PKD1: variants seen among roughly 807,000 people sequenced by gnomAD.
PKD1 encodes the protein polycystin-1.
PKD1 carries 81 observed loss-of-function variants against 361.7 expected under a neutral mutation model. That is an observed-to-expected ratio of 0.22 (90% CI 0.19 to 0.27). The LOEUF is 0.27. Ranked by LOEUF, PKD1 falls within the 10% of genes least tolerant of loss-of-function variation. The probability of loss-of-function intolerance (pLI) is 1.00; values close to 1 mark genes in which losing one functional copy is unlikely to be tolerated. For missense variants in PKD1, 6,399 were observed against 6,118.3 expected, an observed-to-expected ratio of 1.05 and a Z score of -1.53; for synonymous variants, 3,615 against 2,818.3, an observed-to-expected ratio of 1.28 and a Z score of -8.95.
chr16:2,105,459 C>G lies in PKD1; in HGVS notation c.7879G>C (p.Asp2627His), dbSNP rs762594612. 3 of 1,594,714 alleles carry G rather than the reference C, an allele frequency of 1.9e-6. No homozygotes were observed. Among genetic ancestry groups the G allele is most frequent in the Non-Finnish European group, 2.5e-6 (3 of 1,178,762 alleles). ...TCGTGCTTGGGCTCTGCCGCCACGT[C>G]CAGGGCCCGCTCGTACTGGGGCAGG... ...TVLNEYERAL[D>H]VAAEPKHERQ... Residue 2627 changes from aspartate (D) to histidine (H), a missense_variant, in exon 21 of 46, where the codon GAC becomes CAC. Asp to His is a moderately conservative substitution (Grantham distance 81). Coordinates refer to ENST00000262304, the MANE Select transcript of PKD1 (RefSeq NM_001009944.3).
chr16:2,132,723 G>C (rs908551213), intron 1 of PKD1, among the ~76,000 whole-genome samples: 1 of 151,950 alleles, frequency 6.6e-6, no homozygotes. Context: ...TGTTAGGTGG[G>C]TCTGCAGTAT....
In PKD1 at chr16:2,116,616, G is replaced by A. The variant is rs1193412361; in HGVS notation, c.1635C>T (p.Leu545=). Residue 545 remains leucine (L), a synonymous_variant, in exon 8 of 46, where the codon CTC becomes CTT. Coordinates refer to ENST00000262304, the MANE Select transcript of PKD1 (RefSeq NM_001009944.3). ...GCAGGTCCCCACTGGGCGCTCCCACGAGGAGGTTCTCGGCATCCTGCACTG... is the reference window on the plus strand; with the variant it reads ...GCAGGTCCCCACTGGGCGCTCCCACAAGGAGGTTCTCGGCATCCTGCACTG... ...GGPVQDAENL[L]VGAPSGDLQG... is the part of the protein sequence containing the mutation. 7.7e-6 allele frequency: 12 copies of A among 1,555,906 alleles called. No individual in the cohort carries two copies. Among genetic ancestry groups the A allele is most frequent in the South Asian group, 4.7e-5 (4 of 85,580 alleles).
chr16:2,100,619 G>A lies in PKD1; in HGVS notation c.9398-53C>T, dbSNP rs551114639. 4.7e-5 allele frequency: 69 copies of A among 1,479,922 alleles called. 1 individual carries two copies. The Admixed American group carries it at 1.1e-3, about 24-fold the overall frequency. 91.7% of individuals were successfully genotyped at this position (1,479,922 alleles called of 1,614,324 possible). A position where few individuals can be genotyped will look rare whatever the true frequency, so the allele number is the denominator to read the frequency against. On this transcript the variant is annotated intron_variant, in intron 26 of 45. Coordinates refer to ENST00000262304, the MANE Select transcript of PKD1 (RefSeq NM_001009944.3). This position sits in a 1 kb window ranked among gnomAD's most constrained non-coding sequence, Gnocchi z 4.4. The stretch of plus-strand genomic sequence containing the variant: ...GCTCGGTCTGCTGCCCAACACGTGT[G>A]GCATCCCAGGCAAGTCATCTCAGCT...
chr16:2,134,066 G>A (rs1365439371), intron 1 of PKD1, among the ~76,000 whole-genome samples: 1 of 141,728 alleles, frequency 7.1e-6, no homozygotes, highest in African/African-American at 2.9e-5. Flanking sequence ...GGCAGACAGA[G>A]GAGCCCTCAG....
At chr16:2,098,912 G>A (rs1292396802) in intron 30 of PKD1, 1 of 148,332 alleles carries the variant, frequency 6.7e-6, no homozygotes, top group Non-Finnish European at 1.4e-5. Flanking sequence ...CTCACTGCAA[G>A]CTCCGCCTCC....
chr16:2,119,205 C>T lies in PKD1; in HGVS notation c.288-20G>A, dbSNP rs572319823. On this transcript the variant is annotated intron_variant, in intron 2 of 45. Transcript: ENST00000262304. Reference sequence around the variant, plus strand: ...ATATCCCTGGAAGAGACGGGGGATTCGGCAAAGCTGATGGAAGCCCCCACA... The same window carrying T: ...ATATCCCTGGAAGAGACGGGGGATTTGGCAAAGCTGATGGAAGCCCCCACA... 65 of 1,557,164 alleles carry T rather than the reference C, an allele frequency of 4.2e-5. No individual in the cohort carries two copies. In the African/African-American group the frequency reaches 5.0e-4, roughly 12 times the overall value.
Position 2,098,109 on chromosome 16 carries a change from G to A in PKD1, c.10051-125C>T, listed in dbSNP as rs3874644. The A allele has an allele frequency of 2.5e-4, 164 of 654,150 alleles. No homozygotes were observed. The Admixed American group carries it at 3.3e-3, about 13-fold the overall frequency. 40.5% of individuals were successfully genotyped at this position (654,150 alleles called of 1,614,324 possible). A position where few individuals can be genotyped will look rare whatever the true frequency, so the allele number is the denominator to read the frequency against. ...ATCTGACAGAATGTCCTAGAATGCT[G>A]GATATATGGGACATCTGCACCGTCC... is the stretch of plus-strand genomic sequence containing the variant. On this transcript the variant is annotated intron_variant, in intron 30 of 45. Coordinates refer to ENST00000262304, the MANE Select transcript of PKD1 (RefSeq NM_001009944.3).
rs757714318 is a variant in PKD1 at position 2,111,803 on chromosome 16, C to T, written c.3364G>A (p.Val1122Met). Residue 1122 changes from valine to methionine, a missense_variant, in exon 15 of 46, where the codon GTG becomes ATG. Val to Met is a conservative substitution (Grantham distance 21). Transcript: ENST00000262304. Reference sequence around the variant, plus strand: ...GCCACGGAGGGCAGGGAGGCGCGCACGCTCACAGGCACCTGCTGCGTCAGG... The same window carrying T: ...GCCACGGAGGGCAGGGAGGCGCGCATGCTCACAGGCACCTGCTGCGTCAGG... ...ENLTQQVPVSVRASLPSVAVG... is the reference protein window; with the variant it reads ...ENLTQQVPVSMRASLPSVAVG... The T allele has an allele frequency of 2.2e-5, 36 of 1,609,654 alleles. No individual in the cohort carries two copies. The highest frequency in any genetic ancestry group is 5.0e-5 in the Admixed American group (3 of 59,886).
chr16:2,108,382 C>T lies in PKD1; in HGVS notation c.6785G>A (p.Gly2262Asp), dbSNP rs778262432. The T allele has an allele frequency of 1.2e-6, 2 of 1,610,596 alleles. No individual in the cohort carries two copies. Among genetic ancestry groups the T allele is most frequent in the South Asian group, 2.2e-5 (2 of 90,996 alleles). ...APERLVPIIEGGSYRVWSDTR... is the reference protein window; with the variant it reads ...APERLVPIIEDGSYRVWSDTR... ...GTCTGACCACACGCGGTATGAGCCA[C>T]CCTCAATGATGGGCACCAGGCGCTC... The change falls in exon 15 of 46, where the codon GGT becomes GAT. Residue 2262 changes from glycine (G) to aspartate (D), a missense_variant. Coordinates refer to ENST00000262304, the MANE Select transcript of PKD1 (RefSeq NM_001009944.3).
At chr16:2,107,152 A>G in intron 16 of PKD1, 1 of 644,000 alleles carries the variant, frequency 1.6e-6, no homozygotes, top group Non-Finnish European at 2.8e-6. Context: ...GGCAGAGGAC[A>G]CTGGAGTGTG....
At position 2,106,962 on chromosome 16, in the gene PKD1, G is replaced by A. The variant is rs1025467062; in HGVS notation, c.7066-14C>T. 3 of 1,582,454 alleles carry A rather than the reference G, an allele frequency of 1.9e-6. No homozygotes were observed. Among genetic ancestry groups the A allele is most frequent in the Admixed American group, 1.7e-5 (1 of 59,964 alleles). On this transcript the variant is annotated splice_polypyrimidine_tract_variant and intron_variant, in intron 16 of 45. Transcript: ENST00000262304. The surrounding 1 kb of genome is among the most constrained non-coding windows in gnomAD (Gnocchi z 6.5). Reference sequence around the variant, plus strand: ...CCGGATCAGCACCTGGCGTGGGAGTGGGGTTACCTCCAACACAGGTCTATT... The same window carrying A: ...CCGGATCAGCACCTGGCGTGGGAGTAGGGTTACCTCCAACACAGGTCTATT...
chr16:2,101,807 G>T (rs535352939), intron 26 of PKD1: 2 of 597,672 alleles, frequency 3.3e-6, no homozygotes, highest in Non-Finnish European at 6.0e-6. Flanking sequence ...GTCACTTGTG[G>T]GGCCACGCTA....
In PKD1 at chr16:2,094,159, C is replaced by T; in HGVS notation, c.10551G>A (p.Gly3517=). 1 of 1,603,470 alleles carries T rather than the reference C, an allele frequency of 6.2e-7. No homozygotes were observed. The highest frequency in any genetic ancestry group is 8.5e-7 in the Non-Finnish European group (1 of 1,175,040). The change falls in exon 35 of 46, where the codon GGG becomes GGA. Residue 3517 remains glycine, a synonymous_variant. Transcript: ENST00000262304. ...KTETLALQRL[G]ELGPPSPGLN... is the part of the protein sequence containing the mutation. The stretch of plus-strand genomic sequence containing the variant: ...GGCCTGGGCTGGGTGGCCCCAGCTC[C>T]CCCAGCCTCTGCAGCGCCAGCGTCT...
chr16:2,105,226 T>G, intron 21 of PKD1, 96 bp downstream of exon 21: 1 of 1,237,600 alleles, frequency 8.1e-7, no homozygotes, highest in Non-Finnish European at 1.1e-6. Flanking sequence ...GGCTGGAGGC[T>G]CAGCTCCTCG....
chr16:2,111,861 G>C lies in PKD1; in HGVS notation c.3306C>G (p.Leu1102=), dbSNP rs756444138. The change falls in exon 15 of 46, where the codon CTC becomes CTG. Residue 1102 remains leucine (L), a synonymous_variant. Transcript: ENST00000262304. Reference sequence around the variant, plus strand: ...AGGCATTAGATGCCAGCACGGTCAGGAGGTACTCACCTGTGGGGACAGGCC... The same window carrying C: ...AGGCATTAGATGCCAGCACGGTCAGCAGGTACTCACCTGTGGGGACAGGCC... ...MHTYAAPGEY[L]LTVLASNAFE... 127 of 1,610,158 alleles carry C rather than the reference G, an allele frequency of 7.9e-5. No homozygotes were observed. The highest frequency in any genetic ancestry group is 9.4e-5 in the Non-Finnish European group (111 of 1,179,548).
rs528904780 is a variant in PKD1, at chr16:2,135,857, C to A, written c.-168G>T. 5 of 251,500 alleles carry A rather than the reference C, an allele frequency of 2.0e-5. No homozygotes were observed. In the South Asian group the frequency reaches 7.3e-4, roughly 37 times the overall value. 15.6% of individuals were successfully genotyped at this position (251,500 alleles called of 1,614,324 possible). On this transcript the variant is annotated 5_prime_UTR_variant, in exon 1 of 46. Transcript: ENST00000262304. ...GCTCGGGGCTCGGGGCCAGGCCGCT[C>A]CGGGAGCTCGGCCGCCCGCTCGGAC...
Position 2,090,178 on chromosome 16 carries a change from C to A in PKD1, c.12461G>T (p.Arg4154Leu). ...SKVKEFRHKVRFEGMEPLPSR... is the reference protein window; with the variant it reads ...SKVKEFRHKVLFEGMEPLPSR... ...GGGCAGCGGCTCCATCCCTTCAAAGCGGACTTTGTGGCGGAACTGGGGGCG... is the reference window on the plus strand; with the variant it reads ...GGGCAGCGGCTCCATCCCTTCAAAGAGGACTTTGTGGCGGAACTGGGGGCG... The change falls in exon 46 of 46, where the codon CGC (arginine) becomes CTC (leucine). Residue 4154 changes from arginine to leucine, a missense_variant. Coordinates refer to ENST00000262304, the MANE Select transcript of PKD1 (RefSeq NM_001009944.3). The A allele has an allele frequency of 6.2e-7, 1 of 1,602,324 alleles. No individual in the cohort carries two copies.
rs566989571 is a variant in PKD1 at position 2,102,146 on chromosome 16, G to A, written c.9312C>T (p.Ser3104=). Residue 3104 remains serine (S), a synonymous_variant, in exon 26 of 46, where the codon AGC becomes AGT. Transcript: ENST00000262304. Reference sequence around the variant, plus strand: ...CACAGAAAGGGATGGCGCGGCCCCGGCTGGCATCCAACTGGTCCAGCTTGT... The same window carrying A: ...CACAGAAAGGGATGGCGCGGCCCCGACTGGCATCCAACTGGTCCAGCTTGT... The part of the protein sequence containing the change: ...ILHKLDQLDA[S]RGRAIPFCGQ... 67 of 1,567,644 alleles carry A rather than the reference G, an allele frequency of 4.3e-5. No homozygotes were observed. The highest frequency in any genetic ancestry group is 5.4e-5 in the Non-Finnish European group (62 of 1,148,336).
rs1162740312 is a variant in PKD1 at position 2,102,255 on chromosome 16, T to A, written c.9203A>T (p.Glu3068Val). The part of the protein sequence containing the change: ...PPSHVRFVFP[E>V]PTADVNYIVM... ...GATGTAGTTTACATCCGCTGTCGGC[T>A]CCTGTGAGGACACAGCCGCCGGGCC... Residue 3068 changes from glutamate (E) to valine (V), a missense_variant and splice_region_variant, in exon 26 of 46, where the codon GAG becomes GTG. Transcript: ENST00000262304. 5 of 1,519,014 alleles carry A rather than the reference T, an allele frequency of 3.3e-6. No homozygotes were observed. The highest frequency in any genetic ancestry group is 3.5e-5 in the Admixed American group (2 of 57,008). The allele number at this position is 1,519,014 out of a possible 1,614,324, so 94.1% of individuals were successfully genotyped here. A position where few individuals can be genotyped will look rare whatever the true frequency, so the allele number is the denominator to read the frequency against.
Sources: gnomAD v4.1 joint callset for allele counts (sites outside exome capture counted in the v4.1 genomes callset) on GRCh38, gnomAD v4.1.1 for gene constraint, Gnocchi (gnomAD v3.1) non-coding constraint, MANE v1.5 for transcripts, NCBI Gene and HGNC (gene_info 2026-07-23, HGNC 2026-07-21) for gene names.